TRIM14: variants seen among roughly 807,000 people sequenced by gnomAD.
TRIM14 encodes tripartite motif-containing protein 14.
TRIM14 carries 28 observed loss-of-function variants against 44.5 expected under a neutral mutation model. The observed-to-expected ratio is 0.63, with a 90% CI of 0.47 to 0.86. The LOEUF (loss-of-function observed/expected upper bound fraction) is 0.86, where lower values mean the gene tolerates loss of function less well. Among genes scored for constraint, TRIM14 ranks in the 40% least tolerant of loss-of-function variants. The pLI, the probability that TRIM14 is intolerant of heterozygous loss-of-function variation, is 0.00. For synonymous variants in TRIM14, 299 were observed against 269.2 expected (o/e 1.11, Z -1.08); for missense variants, 607 against 611.1 (o/e 0.99, Z 0.07).
intron 3 of TRIM14, among the ~76,000 whole-genome samples, chr9:98,099,313 A>C (rs960129164): frequency 6.6e-6 from 1 of 151,996 alleles, no homozygotes; most frequent in Non-Finnish European, 1.5e-5. Flanking sequence ...TTAGCCACGC[A>C]TGGTGGCACA....
chr9:98,072,709 G>C (rs1362569594), intron 6 of TRIM14, among the ~76,000 whole-genome samples: 1 of 152,074 alleles, frequency 6.6e-6, no homozygotes, highest in African/African-American at 2.4e-5. Flanking sequence ...GTGCCCGGCA[G>C]GAAAGTGCAT....
the TRIM14 span, among the ~76,000 whole-genome samples, chr9:98,045,907 A>C: frequency 6.6e-6 from 1 of 152,118 alleles, no homozygotes; most frequent in Non-Finnish European, 1.5e-5. Context: ...TTCTTTGAGG[A>C]AATTTCTGTT....
At position 98,087,404 on chromosome 9, in the gene TRIM14, C is replaced by G. The variant is rs1047615211; in HGVS notation, c.*66G>C. ...CAGTAAGGGGACCAGCCACGCTGAT[C>G]TAGGTAGATTAGGCGAGACTGGGCA... On this transcript the variant is annotated 3_prime_UTR_variant, in exon 6 of 6. Coordinates refer to ENST00000341469, the MANE Select transcript of TRIM14 (RefSeq NM_014788.4). The G allele has an allele frequency of 6.2e-7, 1 of 1,609,180 alleles. No individual in the cohort carries two copies. The highest frequency in any genetic ancestry group is 8.5e-7 in the Non-Finnish European group (1 of 1,176,194).
chr9:98,079,310 AAACTAT>A (rs1306935487), intron 6 of TRIM14, among the ~76,000 whole-genome samples: 1 of 152,198 alleles, frequency 6.6e-6, no homozygotes, highest in Non-Finnish European at 1.5e-5. Flanking sequence ...ATTATCATTA[AAACTAT>A]TATAGTAACA....
downstream of TRIM14, chr9:98,080,739 A>G (rs1829814910): frequency 6.7e-7 from 1 of 1,490,636 alleles, no homozygotes; most frequent in African/African-American, 1.4e-5. Flanking sequence ...CCGGGGCTCA[A>G]CCAGATACGC....
the TRIM14 span, among the ~76,000 whole-genome samples, chr9:98,042,199 A>C: frequency 6.7e-6 from 1 of 150,022 alleles, no homozygotes; most frequent in Admixed American, 6.7e-5. Context: ...AGGCTGAGGC[A>C]GGAGAATGGC....
At chr9:98,109,187 C>A (rs970690850) in intron 2 of TRIM14, among the ~76,000 whole-genome samples, 3 of 151,988 alleles carry the variant, frequency 2.0e-5, no homozygotes, top group Non-Finnish European at 4.4e-5. Flanking sequence ...TGGGGCAGGC[C>A]CCAGGAGGGC....
chr9:98,052,880 C>T, the TRIM14 span, among the ~76,000 whole-genome samples: 1 of 152,298 alleles, frequency 6.6e-6, no homozygotes, highest in Admixed American at 6.5e-5. Flanking sequence ...GGTAACCTCC[C>T]ATGTGAAATT....
At chr9:98,047,731 G>T in the TRIM14 span, among the ~76,000 whole-genome samples, 1 of 152,066 alleles carries the variant, frequency 6.6e-6, no homozygotes, top group Non-Finnish European at 1.5e-5. Flanking sequence ...TCAGCTCTTT[G>T]CATGTTCGGA....
At chr9:98,059,812 T>C in the TRIM14 span, among the ~76,000 whole-genome samples, 2 of 152,194 alleles carry the variant, frequency 1.3e-5, no homozygotes, top group African/African-American at 4.8e-5. Flanking sequence ...GCTGGGGCAT[T>C]TTTGTTTTGT....
chr9:98,064,553 C>T (rs577731694), downstream of TRIM14, among the ~76,000 whole-genome samples: 1 of 152,164 alleles, frequency 6.6e-6, no homozygotes, highest in South Asian at 2.1e-4. Flanking sequence ...ACCGCACCCG[C>T]CCTAATTCCC....
At chr9:98,061,012 G>A in the TRIM14 span, 2 of 1,611,746 alleles carry the variant, frequency 1.2e-6, no homozygotes, top group East Asian at 2.2e-5. Flanking sequence ...GTCCTCTGCT[G>A]CTCTGTCATT....
chr9:98,091,460 T>C (rs1825991237), intron 5 of TRIM14, among the ~76,000 whole-genome samples: 1 of 151,608 alleles, frequency 6.6e-6, no homozygotes, highest in African/African-American at 2.4e-5. Context: ...CACACACACA[T>C]AGTGATAATA....
At chr9:98,110,231 T>C in intron 1 of TRIM14, 1 of 496,404 alleles carries the variant, frequency 2.0e-6, no homozygotes, top group Admixed American at 3.5e-5. Context: ...ACACTTTACT[T>C]TATCTAGGAC....
At chr9:98,100,224 T>A in intron 2 of TRIM14, 60 bp from the exon 3 acceptor site, 1 of 1,477,356 alleles carries the variant, frequency 6.8e-7, no homozygotes, top group Admixed American at 1.7e-5. Context: ...TCCAGAATAA[T>A]CAACATGAAA....
chr9:98,087,997 T>G lies in TRIM14; in HGVS notation c.802A>C (p.Thr268Pro). The G allele has an allele frequency of 6.5e-7, 1 of 1,540,314 alleles. No individual in the cohort carries two copies. The highest frequency in any genetic ancestry group is 8.6e-7 in the Non-Finnish European group (1 of 1,156,236). Reference protein sequence around the residue: ...ERSLLLKYARTPTLDPDTMHA... With the variant: ...ERSLLLKYARPPTLDPDTMHA... ...ATCGTGTCAGGATCCAGCGTGGGCG[T>G]GCGCGCGTCTGCAGGGGGCGAGACA... The change falls in exon 6 of 6, where the codon ACG becomes CCG. Residue 268 changes from threonine (T) to proline (P), a missense_variant. Physicochemically the swap from Thr to Pro is conservative, Grantham distance 38. Coordinates refer to ENST00000341469, the MANE Select transcript of TRIM14 (RefSeq NM_014788.4).
intron 5 of TRIM14, among the ~76,000 whole-genome samples, chr9:98,090,657 G>A (rs1004038494): frequency 2.1e-4 from 32 of 151,166 alleles, no homozygotes; most frequent in African/African-American, 7.5e-4. Context: ...TTCGCCTCCC[G>A]GGTTCAAGCG....
intron 6 of TRIM14, among the ~76,000 whole-genome samples, chr9:98,077,673 T>C (rs930920440): frequency 6.6e-6 from 1 of 152,162 alleles, no homozygotes; most frequent in Non-Finnish European, 1.5e-5. Flanking sequence ...TCGTGTAAAG[T>C]GGTTTTACAA....
intron 2 of TRIM14, among the ~76,000 whole-genome samples, chr9:98,109,220 G>A (rs1035571287): frequency 5.3e-5 from 8 of 151,892 alleles, no homozygotes; most frequent in Non-Finnish European, 1.2e-4. Flanking sequence ...CCCTCACTGC[G>A]AGGAGGGAGC....
Sources: gnomAD v4.1 joint callset for allele counts (sites outside exome capture counted in the v4.1 genomes callset) on GRCh38, gnomAD v4.1.1 for gene constraint, MANE v1.5 for transcripts, NCBI Gene and HGNC (gene_info 2026-07-23, HGNC 2026-07-21) for gene names.